The following ARHGAP17 variants were observed in gnomAD, a reference collection of about 807,000 sequenced individuals.
ARHGAP17 encodes the protein rho GTPase-activating protein 17.
Under a neutral mutation model 99.5 loss-of-function variants are expected in ARHGAP17, and 57 were observed. The observed-to-expected ratio is 0.57, with a 90% CI of 0.46 to 0.71. ARHGAP17 has a LOEUF of 0.71. Ranked by LOEUF, ARHGAP17 falls within the 30% of genes least tolerant of loss-of-function variation. The pLI, the probability that ARHGAP17 is intolerant of heterozygous loss-of-function variation, is 0.00. For missense variants in ARHGAP17, 1,000 were observed against 1,122.4 expected, an observed-to-expected ratio of 0.89 and a Z score of 1.56; for synonymous variants, 417 against 429.6, an observed-to-expected ratio of 0.97 and a Z score of 0.36.
intron 14 of ARHGAP17, among the ~76,000 whole-genome samples, chr16:24,944,343 G>A (rs1246909200): frequency 6.6e-6 from 1 of 151,522 alleles, no homozygotes; most frequent in Non-Finnish European, 1.5e-5. Flanking sequence ...AGGAAAAAAT[G>A]ACTCTGGCTT....
At chr16:24,948,495 T>C (rs1029179456) in intron 13 of ARHGAP17, among the ~76,000 whole-genome samples, 1 of 152,010 alleles carries the variant, frequency 6.6e-6, no homozygotes, top group Non-Finnish European at 1.5e-5. Context: ...CAAAAATCAA[T>C]TAGTAACAAT....
At chr16:24,952,664 TG>T (rs2051678634) in intron 11 of ARHGAP17, among the ~76,000 whole-genome samples, 1 of 152,094 alleles carries the variant, frequency 6.6e-6, no homozygotes, top group Non-Finnish European at 1.5e-5. Context: ...CTGTGAAAGA[TG>T]GGAAGAAAAT....
chr16:24,938,088 C>T (rs1226552817), intron 17 of ARHGAP17, among the ~76,000 whole-genome samples: 3 of 152,098 alleles, frequency 2.0e-5, no homozygotes, highest in East Asian at 3.8e-4. Flanking sequence ...TATGGCTGGG[C>T]GCGGTGGCTC....
intron 17 of ARHGAP17, among the ~76,000 whole-genome samples, chr16:24,937,029 C>T (rs544327412): frequency 6.6e-6 from 1 of 151,534 alleles, no homozygotes; most frequent in East Asian, 1.9e-4. Flanking sequence ...GTGGGAAGAT[C>T]GCTTGAGCCT....
intron 1 of ARHGAP17, among the ~76,000 whole-genome samples, chr16:24,988,405 A>G (rs1368771335): frequency 2.6e-5 from 4 of 152,240 alleles, no homozygotes; most frequent in African/African-American, 9.7e-5. Context: ...AAATGATTCA[A>G]CAGAAAATAT....
intron 3 of ARHGAP17, 40 bp downstream of exon 3, chr16:24,977,175 G>A (rs1177233500): frequency 6.8e-7 from 1 of 1,479,886 alleles, no homozygotes; most frequent in East Asian, 2.4e-5. Context: ...GCCTCAGAGA[G>A]ACGCAGGAAC....
chr16:24,973,097 A>G (rs986887476), intron 3 of ARHGAP17, among the ~76,000 whole-genome samples: 1 of 152,190 alleles, frequency 6.6e-6, no homozygotes, highest in African/African-American at 2.4e-5. Context: ...GGCCTCCCAA[A>G]GTGCTGAGAT....
At chr16:24,978,110 T>TC (rs1380749432) in intron 2 of ARHGAP17, among the ~76,000 whole-genome samples, 2 of 152,152 alleles carry the variant, frequency 1.3e-5, no homozygotes, top group African/African-American at 4.8e-5. Context: ...CACATTACCT[T>TC]CCCCAAATCT....
Position 24,988,959 on chromosome 16 carries a change from G to A in ARHGAP17, c.54-9954C>T, listed in dbSNP as rs76213379. Reference sequence around the variant, plus strand: ...GAGATTTTAAAACTCATTTAAGCAGGCAAAAATATGTGAGAAATATTTTGC... The same window carrying A: ...GAGATTTTAAAACTCATTTAAGCAGACAAAAATATGTGAGAAATATTTTGC... On this transcript the variant is annotated intron_variant, in intron 1 of 19. Transcript: ENST00000289968. Among the ~76,000 whole-genome samples, 556 of 152,244 alleles carry A rather than the reference G, an allele frequency of 3.7e-3. 8 individuals carry two copies. Among genetic ancestry groups the A allele is most frequent in the African/African-American group, 0.013 (535 of 41,538 alleles).
At chr16:24,932,012 G>A (rs2051006533) in intron 18 of ARHGAP17, among the ~76,000 whole-genome samples, 1 of 151,992 alleles carries the variant, frequency 6.6e-6, no homozygotes, top group East Asian at 1.9e-4. Context: ...AGCTACTCAT[G>A]AGGCTGAGGT....
intron 6 of ARHGAP17, among the ~76,000 whole-genome samples, chr16:24,965,732 A>C (rs2052159826): frequency 6.6e-6 from 1 of 152,208 alleles, no homozygotes; most frequent in Admixed American, 6.5e-5. Flanking sequence ...CTAGTTAGTG[A>C]CTTAGCCTCT....
At chr16:24,985,140 C>G (rs1162890306) in intron 1 of ARHGAP17, among the ~76,000 whole-genome samples, 5 of 152,102 alleles carry the variant, frequency 3.3e-5, no homozygotes, top group African/African-American at 1.2e-4. Flanking sequence ...TGCTACTGGT[C>G]TCTGTAGGCT....
intron 1 of ARHGAP17, among the ~76,000 whole-genome samples, chr16:25,014,134 G>A (rs2053717645): frequency 6.6e-6 from 1 of 151,902 alleles, no homozygotes. Flanking sequence ...AACTCGAGAG[G>A]AAGTAAAAGT....
At chr16:24,936,015 T>A (rs1479218988) in intron 17 of ARHGAP17, 1 of 330,138 alleles carries the variant, frequency 3.0e-6, no homozygotes, top group Admixed American at 4.6e-5. Flanking sequence ...CACTCCAGTA[T>A]CATCAGAGAG....
At chr16:24,944,103 T>C (rs1261636158) in intron 14 of ARHGAP17, among the ~76,000 whole-genome samples, 1 of 151,876 alleles carries the variant, frequency 6.6e-6, no homozygotes, top group Non-Finnish European at 1.5e-5. Context: ...AAACCCCGTC[T>C]GTACTAAAAA....
chr16:24,940,319 T>C (rs1033961350), intron 16 of ARHGAP17, among the ~76,000 whole-genome samples: 1 of 152,130 alleles, frequency 6.6e-6, no homozygotes, highest in Non-Finnish European at 1.5e-5. Flanking sequence ...TGTAAGGTTA[T>C]CACACCACAC....
intron 18 of ARHGAP17, 103 bp downstream of exon 18, chr16:24,935,367 A>G: frequency 7.6e-7 from 1 of 1,318,848 alleles, no homozygotes; most frequent in East Asian, 2.5e-5. Flanking sequence ...TACAACAGAC[A>G]TAGAAAAGAT....
In ARHGAP17 at chr16:24,920,091, C is replaced by G. The variant is rs749172576; in HGVS notation, c.*39G>C. 1 of 1,605,384 alleles carries G rather than the reference C, an allele frequency of 6.2e-7. No homozygotes were observed. Among genetic ancestry groups the G allele is most frequent in the Non-Finnish European group, 8.5e-7 (1 of 1,174,004 alleles). On this transcript the variant is annotated 3_prime_UTR_variant, in exon 20 of 20. Coordinates refer to ENST00000289968, the MANE Select transcript of ARHGAP17 (RefSeq NM_001006634.3). ...GGTTCGCCTGCCCCTGCTCCACTCG[C>G]CAGGGTGGAAGTGGTGGAGGGCTGG...
In ARHGAP17 at chr16:24,935,481, G is replaced by GT. The variant is rs2051112495; in HGVS notation, c.1882dup (p.Thr628AsnfsTer7). The GT allele has an allele frequency of 6.2e-7, 1 of 1,601,670 alleles. No individual in the cohort carries two copies. Among genetic ancestry groups the GT allele is most frequent in the South Asian group, 1.1e-5 (1 of 89,476 alleles). On this transcript the variant is annotated frameshift_variant, in exon 18 of 20. Coordinates refer to ENST00000289968, the MANE Select transcript of ARHGAP17 (RefSeq NM_001006634.3). LOFTEE classifies it high-confidence loss of function. ...CGGTGGCTGCTTACCTCGGCGCAGTGTATGCGGGCTGGGCCCTGCAGCATT... is the reference window on the plus strand; with the variant it reads ...CGGTGGCTGCTTACCTCGGCGCAGTGTTATGCGGGCTGGGCCCTGCAGCATT...
Sources: allele counts gnomAD v4.1 joint callset (sites outside exome capture counted in the v4.1 genomes callset), GRCh38; gene constraint gnomAD v4.1.1; transcripts MANE v1.5; gene names NCBI Gene and HGNC (gene_info 2026-07-23, HGNC 2026-07-21).